The following ATG10 variants were observed in gnomAD, a reference collection of about 807,000 sequenced individuals.
ATG10 encodes ubiquitin-like-conjugating enzyme ATG10.
In ATG10, 30 loss-of-function variants were observed where a neutral mutation model predicts 32.1. The ratio of observed to expected loss-of-function variants is 0.94; its 90% CI spans 0.70 to 1.27. ATG10 has a LOEUF of 1.27. ATG10 is among the 50% of genes most tolerant of loss of function. The pLI, the probability that ATG10 is intolerant of heterozygous loss-of-function variation, is 0.00. For synonymous variants in ATG10, 87 were observed against 91.5 expected (o/e 0.95, Z 0.28); for missense variants, 233 against 262.3 (o/e 0.89, Z 0.77).
rs975663534 is a variant in ATG10, at chr5:82,070,317, A to T, written c.216+11715A>T. ...TATTTTGAAGGAAAAGAAAAGTAGT[A>T]ATCTGGAAGGGACAAGATATTTTTA... On this transcript the variant is annotated intron_variant, in intron 3 of 7. Coordinates refer to ENST00000282185, the MANE Select transcript of ATG10 (RefSeq NM_031482.5). 2.0e-5 allele frequency among the ~76,000 whole-genome samples: 3 copies of T among 152,330 alleles called. No homozygotes were observed. In the South Asian group the frequency reaches 6.2e-4, roughly 32 times the overall value.
intron 2 of ATG10, among the ~76,000 whole-genome samples, chr5:82,015,266 C>T (rs781680237): frequency 1.3e-5 from 2 of 152,160 alleles, no homozygotes; most frequent in East Asian, 1.9e-4. Context: ...AATATTTTTT[C>T]CTTCATTTCA....
chr5:82,039,455 A>G (rs1210924417), intron 2 of ATG10, among the ~76,000 whole-genome samples: 1 of 152,200 alleles, frequency 6.6e-6, no homozygotes. Context: ...CAGAAATACT[A>G]TAAGAAAATA....
At chr5:82,090,263 C>A (rs1445868727) in intron 3 of ATG10, among the ~76,000 whole-genome samples, 1 of 152,108 alleles carries the variant, frequency 6.6e-6, no homozygotes, top group Non-Finnish European at 1.5e-5. Context: ...TTCTGGGCAT[C>A]TATCCCCGAG....
intron 2 of ATG10, among the ~76,000 whole-genome samples, chr5:82,011,446 A>G (rs1762124652): frequency 6.6e-6 from 1 of 152,162 alleles, no homozygotes; most frequent in Non-Finnish European, 1.5e-5. Flanking sequence ...AAGCCTGCCA[A>G]GGTGATCTTA....
intron 5 of ATG10, among the ~76,000 whole-genome samples, chr5:82,202,425 C>T (rs984335086): frequency 3.9e-5 from 6 of 152,194 alleles, no homozygotes; most frequent in African/African-American, 1.4e-4. Flanking sequence ...CTCTTCCCCC[C>T]TGCAGACTTT....
chr5:82,194,245 C>G (rs1313142501), intron 5 of ATG10, among the ~76,000 whole-genome samples: 2 of 152,004 alleles, frequency 1.3e-5, no homozygotes, highest in African/African-American at 4.8e-5. Flanking sequence ...GTCTTTGGAG[C>G]CCTCTACCTT....
intron 2 of ATG10, among the ~76,000 whole-genome samples, chr5:82,030,815 CTT>C (rs1419645886): frequency 2.6e-5 from 4 of 152,088 alleles, no homozygotes; most frequent in African/African-American, 4.8e-5. Context: ...ATCTGTAGCT[CTT>C]GTGTCTTAAA....
chr5:82,064,453 G>C (rs1160481623), intron 3 of ATG10, among the ~76,000 whole-genome samples: 1 of 152,012 alleles, frequency 6.6e-6, no homozygotes, highest in Non-Finnish European at 1.5e-5. Context: ...TGAGGGAAGG[G>C]TTTTTGTGGA....
At chr5:82,235,139 G>A (rs1746506196) in intron 5 of ATG10, among the ~76,000 whole-genome samples, 3 of 152,044 alleles carry the variant, frequency 2.0e-5, no homozygotes, top group African/African-American at 7.2e-5. Flanking sequence ...CACGTGCCTT[G>A]TGTTTCCTTC....
rs543370302 is a variant in ATG10, at chr5:82,049,237, T to C, written c.109-9258T>C. On this transcript the variant is annotated intron_variant, in intron 2 of 7. Coordinates refer to ENST00000282185, the MANE Select transcript of ATG10 (RefSeq NM_031482.5). ...GCAGCCATAAAAAATGATGAGTTCA[T>C]GTCCTTTGTAGGGACGCGGATGAAA... 5.8e-3 allele frequency among the ~76,000 whole-genome samples: 880 copies of C among 152,150 alleles called. 8 individuals are homozygous for C. The highest frequency in any genetic ancestry group is 0.02 in the African/African-American group (825 of 41,482).
chr5:82,218,224 T>C (rs892798388), intron 5 of ATG10, among the ~76,000 whole-genome samples: 1 of 152,214 alleles, frequency 6.6e-6, no homozygotes, highest in Admixed American at 6.5e-5. Context: ...ACAAGTTCCC[T>C]GTGGAAGTTT....
At chr5:82,236,262 T>G (rs191747726) in intron 5 of ATG10, among the ~76,000 whole-genome samples, 20 of 152,258 alleles carry the variant, frequency 1.3e-4, no homozygotes, top group African/African-American at 4.8e-4. Context: ...ATAATGGTCT[T>G]GGTGGTTATC....
intron 5 of ATG10, among the ~76,000 whole-genome samples, chr5:82,251,806 A>G (rs1159267911): frequency 6.6e-6 from 1 of 152,200 alleles, no homozygotes; most frequent in Admixed American, 6.5e-5. Context: ...TGCTTGCCAA[A>G]TGATGTCCAC....
intron 3 of ATG10, among the ~76,000 whole-genome samples, chr5:82,118,384 G>GTATATATATATATATATATATA (rs1347264600): frequency 3.7e-4 from 7 of 18,766 alleles, no homozygotes; most frequent in African/African-American, 5.4e-4. Context: ...TATAATATAT[G>GTATATATATATATATATATATA]TACATATATA....
intron 2 of ATG10, among the ~76,000 whole-genome samples, chr5:82,004,361 A>G (rs1761932076): frequency 6.6e-6 from 1 of 152,164 alleles, no homozygotes; most frequent in Non-Finnish European, 1.5e-5. Flanking sequence ...TATAACATGA[A>G]TCACAGAGTA....
intron 3 of ATG10, among the ~76,000 whole-genome samples, chr5:82,156,316 A>G (rs1455909090): frequency 6.6e-6 from 1 of 152,204 alleles, no homozygotes; most frequent in Non-Finnish European, 1.5e-5. Flanking sequence ...ATGTGAGGCA[A>G]GACCTGCATA....
At chr5:82,106,305 G>A (rs903922985) in intron 3 of ATG10, among the ~76,000 whole-genome samples, 1 of 152,130 alleles carries the variant, frequency 6.6e-6, no homozygotes, top group Admixed American at 6.6e-5. Flanking sequence ...TTTTACCTCA[G>A]TAACTTAAAG....
At chr5:81,981,216 A>G (rs939315130) in intron 1 of ATG10, among the ~76,000 whole-genome samples, 3 of 152,166 alleles carry the variant, frequency 2.0e-5, no homozygotes, top group African/African-American at 7.2e-5. Context: ...AAAGTGATTC[A>G]TCTTTTGTCT....
At chr5:82,183,689 A>G (rs966922373) in intron 5 of ATG10, among the ~76,000 whole-genome samples, 2 of 152,168 alleles carry the variant, frequency 1.3e-5, no homozygotes, top group Admixed American at 6.5e-5. Context: ...GACTACTTCT[A>G]TAATGACAAA....
Sources: gnomAD v4.1 joint callset for allele counts (sites outside exome capture counted in the v4.1 genomes callset) on GRCh38, gnomAD v4.1.1 for gene constraint, MANE v1.5 for transcripts, NCBI Gene and HGNC (gene_info 2026-07-23, HGNC 2026-07-21) for gene names.